The following INSL6 variants were observed in gnomAD, a reference collection of about 807,000 sequenced individuals.
INSL6 encodes insulin-like peptide INSL6.
A neutral mutation model predicts 9.4 loss-of-function variants in INSL6; 16 were observed. That is an observed-to-expected ratio of 1.70 (90% CI 1.15 to 2.59). The LOEUF (loss-of-function observed/expected upper bound fraction) is 2.59, where lower values mean the gene tolerates loss of function less well. Among genes scored for constraint, INSL6 ranks in the 30% most tolerant of loss-of-function variants. INSL6 has a pLI of 0.00. For synonymous variants in INSL6, 154 were observed against 96.9 expected (o/e 1.59, Z -3.46); for missense variants, 391 against 257.3 (o/e 1.52, Z -3.56).
chr9:5,004,881 C>T, the INSL6 span, among the ~76,000 whole-genome samples: 1 of 148,952 alleles, frequency 6.7e-6, no homozygotes, highest in East Asian at 1.9e-4. Flanking sequence ...TGATGTTGAA[C>T]GTTTTTTCAT....
chr9:5,121,595 C>T (rs1204142892), downstream of INSL6, among the ~76,000 whole-genome samples: 2 of 152,102 alleles, frequency 1.3e-5, no homozygotes, highest in Non-Finnish European at 2.9e-5. Context: ...GATAGTTACA[C>T]GTTCTTGAGA....
chr9:5,180,658 T>C (rs995653534), intron 1 of INSL6, among the ~76,000 whole-genome samples: 1 of 152,102 alleles, frequency 6.6e-6, no homozygotes, highest in African/African-American at 2.4e-5. Context: ...CCCTGGTAAA[T>C]TTGTGGTCAG....
At chr9:5,043,012 G>A in the INSL6 span, among the ~76,000 whole-genome samples, 3 of 152,210 alleles carry the variant, frequency 2.0e-5, no homozygotes, top group African/African-American at 4.8e-5. Context: ...GGCGTCGCGC[G>A]GCTCGGCCCC....
At chr9:5,037,772 G>C in the INSL6 span, among the ~76,000 whole-genome samples, 1 of 152,024 alleles carries the variant, frequency 6.6e-6, no homozygotes, top group African/African-American at 2.4e-5. Flanking sequence ...CGAGTTACTG[G>C]GTGCAGCACA....
chr9:5,003,592 A>T, the INSL6 span, among the ~76,000 whole-genome samples: 5 of 152,144 alleles, frequency 3.3e-5, no homozygotes, highest in African/African-American at 1.2e-4. Flanking sequence ...TGCTAAATTC[A>T]CTCAGTGATT....
intron 2 of INSL6, among the ~76,000 whole-genome samples, chr9:5,143,995 A>G (rs1180867147): frequency 6.6e-6 from 1 of 151,844 alleles, no homozygotes; most frequent in Non-Finnish European, 1.5e-5. Flanking sequence ...TCCTGTCTGT[A>G]TCTCCTTCAG....
intron 2 of INSL6, among the ~76,000 whole-genome samples, chr9:5,135,200 GTACAAAGAGACT>G (rs1390197347): frequency 1.3e-5 from 2 of 151,962 alleles, no homozygotes; most frequent in African/African-American, 2.4e-5. Flanking sequence ...TCTTAGAGAC[GTACAAAGAGACT>G]TACACTCCCA....
the INSL6 span, among the ~76,000 whole-genome samples, chr9:5,071,396 A>G: frequency 6.6e-6 from 1 of 152,332 alleles, no homozygotes; most frequent in South Asian, 2.1e-4. Context: ...CAGACTATAA[A>G]ATACATATAC....
chr9:5,155,315 G>T (rs1824793122), intron 2 of INSL6, among the ~76,000 whole-genome samples: 2 of 145,606 alleles, frequency 1.4e-5, no homozygotes, highest in Admixed American at 1.4e-4. Context: ...TCACACACTG[G>T]GGCCTGTTGC....
At chr9:5,160,431 T>C (rs556449721), downstream of INSL6, among the ~76,000 whole-genome samples, 12 of 152,138 alleles carry the variant, frequency 7.9e-5, no homozygotes, top group East Asian at 1.3e-3. Flanking sequence ...CCAAAACCTA[T>C]GCGATACAGG....
At chr9:5,087,217 G>C in the INSL6 span, among the ~76,000 whole-genome samples, 1 of 152,134 alleles carries the variant, frequency 6.6e-6, no homozygotes, top group Admixed American at 6.5e-5. Context: ...CCATGGCTGG[G>C]GAGGCCTCAG....
At chr9:5,043,143 G>GC in the INSL6 span, among the ~76,000 whole-genome samples, 1 of 152,242 alleles carries the variant, frequency 6.6e-6, no homozygotes, top group Non-Finnish European at 1.5e-5. Context: ...AGGTGTATGT[G>GC]CAGGGGGGTC....
At chr9:5,146,834 C>T (rs1483245214) in intron 2 of INSL6, among the ~76,000 whole-genome samples, 1 of 152,182 alleles carries the variant, frequency 6.6e-6, no homozygotes, top group Non-Finnish European at 1.5e-5. Flanking sequence ...TAGGGGCTGC[C>T]TCATTGGAGC....
intron 1 of INSL6, among the ~76,000 whole-genome samples, chr9:5,174,252 T>C (rs1825249360): frequency 6.6e-6 from 1 of 152,192 alleles, no homozygotes; most frequent in Admixed American, 6.5e-5. Context: ...CCATCGTATC[T>C]ATTTTCTCTT....
chr9:5,113,985 C>T, the INSL6 span: 2 of 269,464 alleles, frequency 7.4e-6, no homozygotes, highest in African/African-American at 2.3e-5. Context: ...CATCACCTGG[C>T]TGGAGGATGG....
the INSL6 span, among the ~76,000 whole-genome samples, chr9:5,013,285 A>G: frequency 3.3e-5 from 5 of 152,196 alleles, no homozygotes; most frequent in East Asian, 7.7e-4. Flanking sequence ...ACCTCACCAT[A>G]TTTAGGTTTA....
At chr9:5,138,735 A>AT (rs1824433033) in intron 2 of INSL6, among the ~76,000 whole-genome samples, 2 of 151,648 alleles carry the variant, frequency 1.3e-5, no homozygotes, top group South Asian at 4.2e-4. Context: ...TATAATAAAA[A>AT]AAAATAATAA....
the INSL6 span, chr9:5,054,563 C>T: frequency 6.4e-7 from 1 of 1,570,132 alleles, no homozygotes; most frequent in Admixed American, 1.9e-5. The surrounding 1 kb of genome is among the most constrained non-coding windows in gnomAD (Gnocchi z 4.9). Flanking sequence ...TTATCCCTAG[C>T]TACAAGACAT....
the INSL6 span, among the ~76,000 whole-genome samples, chr9:5,071,892 G>A: frequency 2.6e-5 from 4 of 152,204 alleles, no homozygotes; most frequent in African/African-American, 7.2e-5. Context: ...GTAAAGATAT[G>A]CAAGAAATAC....
Sources: allele counts gnomAD v4.1 joint callset (sites outside exome capture counted in the v4.1 genomes callset), GRCh38; gene constraint gnomAD v4.1.1; non-coding constraint Gnocchi (gnomAD v3.1); transcripts MANE v1.5; gene names NCBI Gene and HGNC (gene_info 2026-07-23, HGNC 2026-07-21).